The following KLHDC1 variants were observed in gnomAD, a reference collection of about 807,000 sequenced individuals.
KLHDC1 encodes the protein kelch domain-containing protein 1.
Under a neutral mutation model 68.3 loss-of-function variants are expected in KLHDC1, and 53 were observed. The ratio of observed to expected loss-of-function variants is 0.78; its 90% confidence interval spans 0.62 to 0.98. The LOEUF is 0.98. Ranked by LOEUF, KLHDC1 falls within the 50% of genes least tolerant of loss-of-function variation. KLHDC1 has a pLI of 0.00. For missense variants in KLHDC1, 470 were observed against 492.3 expected, an observed-to-expected ratio of 0.95 and a Z score of 0.43; for synonymous variants, 148 against 159.0, an observed-to-expected ratio of 0.93 and a Z score of 0.52.
intron 1 of KLHDC1, chr14:49,707,646 CTTTTT>C (rs368932553): frequency 2.2e-5 from 2 of 90,958 alleles, no homozygotes; most frequent in Non-Finnish European, 3.9e-5. Flanking sequence ...ACACCTGGCC[CTTTTT>C]TTTTTTTTTT....
chr14:49,730,769 T>TC (rs1366937547), intron 8 of KLHDC1, among the ~76,000 whole-genome samples: 56 of 150,962 alleles, frequency 3.7e-4, no homozygotes, highest in East Asian at 1.4e-3. Flanking sequence ...GGTCAGGAGT[T>TC]TGAGACCAGC....
chr14:49,736,355 G>T (rs992579285), intron 10 of KLHDC1, among the ~76,000 whole-genome samples: 2 of 152,084 alleles, frequency 1.3e-5, no homozygotes, highest in African/African-American at 4.8e-5. Flanking sequence ...TAAACTATCA[G>T]TCTGTAGAAA....
Position 49,710,399 on chromosome 14 carries a change from C to T in KLHDC1, c.404+18C>T, listed in dbSNP as rs1888168198. The T allele has an allele frequency of 8.2e-7, 1 of 1,223,822 alleles. No homozygotes were observed. Among genetic ancestry groups the T allele is most frequent in the Non-Finnish European group, 1.2e-6 (1 of 827,214 alleles). The allele number at this position is 1,223,822 out of a possible 1,614,324, so 75.8% of individuals were successfully genotyped here. A position where few individuals can be genotyped will look rare whatever the true frequency, so the allele number is the denominator to read the frequency against. Reference sequence around the variant, plus strand: ...AAAGACAGGTAATGCAGCAGTTGCACTTAATGCATTATGTCTACCTAAGCA... The same window carrying T: ...AAAGACAGGTAATGCAGCAGTTGCATTTAATGCATTATGTCTACCTAAGCA... On this transcript the variant is annotated intron_variant, in intron 4 of 12. Coordinates refer to ENST00000359332, the MANE Select transcript of KLHDC1 (RefSeq NM_172193.3).
At chr14:49,715,613 C>CAGGT (rs1888349363) in intron 4 of KLHDC1, among the ~76,000 whole-genome samples, 1 of 150,022 alleles carries the variant, frequency 6.7e-6, no homozygotes, top group African/African-American at 2.4e-5. Flanking sequence ...GGTGCAGTGG[C>CAGGT]AGGTACCTGT....
chr14:49,705,568 A>G (rs1023361729), intron 1 of KLHDC1, among the ~76,000 whole-genome samples: 3 of 151,354 alleles, frequency 2.0e-5, no homozygotes, highest in South Asian at 2.1e-4. Flanking sequence ...ACAGGGTTTC[A>G]CCATATTGGC....
In KLHDC1 at chr14:49,752,797, A is replaced by G. The variant is rs1225363350; in HGVS notation, c.*1025A>G. On this transcript the variant is annotated 3_prime_UTR_variant, in exon 13 of 13. Transcript: ENST00000359332. ...TAATTAAGAAATTTTTCTTCATATT[A>G]TCACAATCATGCCCTTCCATTGAAT... The G allele has an allele frequency of 6.6e-6, 1 of 152,156 alleles. No individual in the cohort carries two copies. Among genetic ancestry groups the G allele is most frequent in the East Asian group, 1.9e-4 (1 of 5,202 alleles). The allele number at this position is 152,156 out of a possible 1,614,324, so 9.4% of individuals were successfully genotyped here. A position where few individuals can be genotyped will look rare whatever the true frequency, so the allele number is the denominator to read the frequency against.
chr14:49,742,499 C>T (rs1460259979), intron 11 of KLHDC1, among the ~76,000 whole-genome samples: 1 of 151,790 alleles, frequency 6.6e-6, no homozygotes, highest in Non-Finnish European at 1.5e-5. Flanking sequence ...GGCAAAACCC[C>T]ATCTCTACTA....
intron 3 of KLHDC1, 36 bp from the exon 4 acceptor site, chr14:49,710,227 T>C (rs1177766828): frequency 9.2e-7 from 1 of 1,084,830 alleles, no homozygotes. Context: ...AATTTTTAAA[T>C]GCCCTGTCTG....
At chr14:49,722,977 C>T (rs972742551) in intron 4 of KLHDC1, among the ~76,000 whole-genome samples, 5 of 150,248 alleles carry the variant, frequency 3.3e-5, no homozygotes, top group African/African-American at 7.4e-5. Context: ...ATCCCAGCTA[C>T]GCAGGAGGCT....
At chr14:49,744,775 A>G (rs1594684286) in intron 12 of KLHDC1, among the ~76,000 whole-genome samples, 2 of 152,328 alleles carry the variant, frequency 1.3e-5, no homozygotes, top group East Asian at 1.9e-4. Context: ...AAGCCTAACT[A>G]TATTTTCAAT....
chr14:49,712,779 A>G (rs913555375), intron 4 of KLHDC1, among the ~76,000 whole-genome samples: 3 of 152,088 alleles, frequency 2.0e-5, no homozygotes, highest in Admixed American at 2.0e-4. Flanking sequence ...CTGGGATTAC[A>G]GGCATGAGCC....
At position 49,751,627 on chromosome 14, in the gene KLHDC1, A is replaced by C; in HGVS notation, c.1076A>C (p.Glu359Ala). 1 of 1,588,938 alleles carries C rather than the reference A, an allele frequency of 6.3e-7. No homozygotes were observed. Among genetic ancestry groups the C allele is most frequent in the Non-Finnish European group, 8.6e-7 (1 of 1,166,502 alleles). ...ATTGGTAAAAATTCTATCATGTTAG[A>C]AAGTCAGATATCTTTATTACCTCCT... ...DCIGKNSIML[E>A]SQISLLPPKL... Residue 359 changes from glutamate to alanine, a missense_variant, in exon 13 of 13, where the codon GAA becomes GCA. By Grantham distance (107) the Glu-to-Ala change is moderately radical (BLOSUM62 -1). Transcript: ENST00000359332.
intron 9 of KLHDC1, 99 bp from the exon 10 acceptor site, chr14:49,734,490 A>G: frequency 1.6e-6 from 1 of 629,812 alleles, no homozygotes; most frequent in Non-Finnish European, 2.7e-6. Context: ...TGCACTCAGA[A>G]AAGATAGTCA....
Position 49,751,847 on chromosome 14 carries a change from G to A in KLHDC1, c.*75G>A, listed in dbSNP as rs1889328293. On this transcript the variant is annotated 3_prime_UTR_variant, in exon 13 of 13. Coordinates refer to ENST00000359332, the MANE Select transcript of KLHDC1 (RefSeq NM_172193.3). ...TATACATTTACACTCCCAAATTGCA[G>A]GCTTTATTTAAAGGATAAAATTTAA... 3 of 653,928 alleles carry A rather than the reference G, an allele frequency of 4.6e-6. No individual in the cohort carries two copies. Among genetic ancestry groups the A allele is most frequent in the Non-Finnish European group, 7.0e-6 (3 of 430,368 alleles). The allele number at this position is 653,928 out of a possible 1,614,324, so 40.5% of individuals were successfully genotyped here.
At chr14:49,714,968 A>G (rs1020435090) in intron 4 of KLHDC1, among the ~76,000 whole-genome samples, 55 of 147,254 alleles carry the variant, frequency 3.7e-4, no homozygotes, top group Non-Finnish European at 5.8e-4. Context: ...ATATATGGAA[A>G]TTATATATAT....
rs1888286496 is a variant in KLHDC1 at position 49,713,829 on chromosome 14, TATATATATATATATATA to T, written c.404+3449_404+3465del. Among the ~76,000 whole-genome samples the T allele has an allele frequency of 4.1e-3, 41 of 9,918 alleles. 1 individual carries two copies. Among genetic ancestry groups the T allele is most frequent in the East Asian group, 9.0e-3 (3 of 332 alleles). 6.5% of individuals were successfully genotyped at this position (9,918 alleles called of 152,430 possible). A position where few individuals can be genotyped will look rare whatever the true frequency, so the allele number is the denominator to read the frequency against. ...ATATATATATATATATATATATATA[TATATATATATATATATA>T]TATATTTTTTTTTTTTTTTTTCCTG... is the stretch of plus-strand genomic sequence containing the variant. On this transcript the variant is annotated intron_variant, in intron 4 of 12. Transcript: ENST00000359332.
At position 49,740,148 on chromosome 14, in the gene KLHDC1, G is replaced by A; in HGVS notation, c.947G>A (p.Gly316Asp). 1 of 1,611,402 alleles carries A rather than the reference G, an allele frequency of 6.2e-7. No individual in the cohort carries two copies. The highest frequency in any genetic ancestry group is 8.5e-7 in the Non-Finnish European group (1 of 1,177,924). ...LGKENEIMVFGGSKDDLLALD... is the reference protein window; with the variant it reads ...LGKENEIMVFDGSKDDLLALD... ...AAAGAAAATGAAATAATGGTATTTGGTGGGAGCAAAGATGACTTACTTGCC... is the reference window on the plus strand; with the variant it reads ...AAAGAAAATGAAATAATGGTATTTGATGGGAGCAAAGATGACTTACTTGCC... The change falls in exon 11 of 13, where the codon GGT becomes GAT. Residue 316 changes from glycine (G) to aspartate (D), a missense_variant. By Grantham distance (94) the Gly-to-Asp change is moderately conservative. Transcript: ENST00000359332.
chr14:49,713,817 TATATATATATATATATATATA>T (rs1888278884), intron 4 of KLHDC1, among the ~76,000 whole-genome samples: 7 of 2,754 alleles, frequency 2.5e-3, no homozygotes, highest in East Asian at 0.018. Context: ...TATATATATA[TATATATATATATATATATATA>T]TATATATATA....
chr14:49,700,088 G>A (rs537059135), intron 1 of KLHDC1: 112 of 306,508 alleles, frequency 3.7e-4, no homozygotes, highest in Non-Finnish European at 5.0e-4. Flanking sequence ...GTGCAGTGGC[G>A]CGATCTCGGC....
Sources: allele counts gnomAD v4.1 joint callset (sites outside exome capture counted in the v4.1 genomes callset), GRCh38; gene constraint gnomAD v4.1.1; transcripts MANE v1.5; gene names NCBI Gene and HGNC (gene_info 2026-07-23, HGNC 2026-07-21).